THRAP3: variants seen among roughly 807,000 people sequenced by gnomAD.
The protein encoded by THRAP3 is thyroid hormone receptor-associated protein 3.
A neutral mutation model predicts 101.0 loss-of-function variants in THRAP3; 16 were observed. That is an observed-to-expected ratio of 0.16 (90% CI 0.11 to 0.24). THRAP3 has a LOEUF of 0.24. THRAP3 is among the 10% of genes least tolerant of loss of function. The pLI is 1.00. For missense variants in THRAP3, 989 were observed against 1,202.7 expected, an observed-to-expected ratio of 0.82 and a Z score of 2.63; for synonymous variants, 407 against 422.6, an observed-to-expected ratio of 0.96 and a Z score of 0.45.
At position 36,267,765 on chromosome 1, in the gene THRAP3, C is replaced by G. The variant is rs1379812819; in HGVS notation, c.-32+8281C>G. The stretch of plus-strand genomic sequence containing the variant: ...TGGATAGACGGGAGCCCATATTCCC[C>G]GCACCCACTCACAGAATACGGGGCA... On this transcript the variant is annotated intron_variant, in intron 2 of 11. Transcript: ENST00000354618. Among the ~76,000 whole-genome samples the G allele has an allele frequency of 4.8e-5, 2 of 41,960 alleles. 1 individual carries two copies. Among genetic ancestry groups the G allele is most frequent in the Non-Finnish European group, 1.5e-4 (2 of 13,166 alleles). 27.5% of individuals were successfully genotyped at this position (41,960 alleles called of 152,430 possible).
At position 36,303,998 on chromosome 1, in the gene THRAP3, T is replaced by C. The variant is rs1189818519; in HGVS notation, c.2849T>C (p.Ile950Thr). The C allele has an allele frequency of 6.3e-7, 1 of 1,579,406 alleles. No homozygotes were observed. Among genetic ancestry groups the C allele is most frequent in the Non-Finnish European group, 8.6e-7 (1 of 1,163,174 alleles). The change falls in exon 12 of 12, where the codon ATA becomes ACA. Residue 950 changes from isoleucine to threonine, a missense_variant. Coordinates refer to ENST00000354618, the MANE Select transcript of THRAP3 (RefSeq NM_005119.4). ...GAGAACCGAGAAGAGAAGGACAATA[T>C]ACAGCCCACAACCGAGTAGGGGCCA... ...GTENREEKDN[I>T]QPTTE
At chr1:36,249,193 CTTTTTTT>C (rs35410710) in intron 1 of THRAP3, among the ~76,000 whole-genome samples, 1 of 117,524 alleles carries the variant, frequency 8.5e-6, no homozygotes, top group African/African-American at 3.2e-5. Context: ...AGCACAGTCC[CTTTTTTT>C]TTTTTTTTTT....
intron 9 of THRAP3, among the ~76,000 whole-genome samples, chr1:36,297,448 T>A (rs920803180): frequency 2.0e-5 from 3 of 148,706 alleles, no homozygotes; most frequent in African/African-American, 7.5e-5. Flanking sequence ...GCAAGCATTT[T>A]TTTTTTTTTT....
At chr1:36,256,213 A>ATTATTATTATTATTG (rs1360312854) in intron 1 of THRAP3, among the ~76,000 whole-genome samples, 18 of 129,060 alleles carry the variant, frequency 1.4e-4, no homozygotes, top group African/African-American at 4.8e-4. Flanking sequence ...TATTATTGTT[A>ATTATTATTATTATTG]TTATTGTTAT....
At chr1:36,288,063 G>A (rs7533278) in intron 4 of THRAP3, 969,604 of 981,768 alleles carry the variant, frequency 0.99, 479,804 homozygotes, top group Non-Finnish European at 1. Flanking sequence ...GTATTAACAC[G>A]ACTTTGACTT....
In THRAP3 at chr1:36,258,520, G is replaced by T. The variant is rs566997264; in HGVS notation, c.-134-862G>T. Among the ~76,000 whole-genome samples the T allele has an allele frequency of 1.1e-4, 17 of 152,058 alleles. No individual in the cohort carries two copies. The South Asian group carries it at 3.3e-3, about 30-fold the overall frequency. On this transcript the variant is annotated intron_variant, in intron 1 of 11. Coordinates refer to ENST00000354618, the MANE Select transcript of THRAP3 (RefSeq NM_005119.4). ...AGGCGAAGTCTCACTCTGTCCCCCA[G>T]GCTGGAGTACAGTGGCGCGATCTCG...
chr1:36,281,782 C>T (rs1438154067), intron 2 of THRAP3, among the ~76,000 whole-genome samples: 2 of 151,916 alleles, frequency 1.3e-5, no homozygotes, highest in African/African-American at 4.8e-5. Context: ...AAAGTTTTTA[C>T]TTTGTAGGCC....
At chr1:36,300,416 AAC>A (rs1414671379) in intron 9 of THRAP3, among the ~76,000 whole-genome samples, 2 of 152,214 alleles carry the variant, frequency 1.3e-5, no homozygotes, top group African/African-American at 4.8e-5. Context: ...AAAGTGTTTA[AAC>A]ACAGTGTTTA....
the THRAP3 span, among the ~76,000 whole-genome samples, chr1:36,218,031 G>T: frequency 6.6e-6 from 1 of 152,200 alleles, no homozygotes; most frequent in African/African-American, 2.4e-5. Flanking sequence ...TAGGCCTGTT[G>T]TGTCAATTAG....
At chr1:36,287,349 G>C in intron 4 of THRAP3, 79 bp downstream of exon 4, 2 of 1,455,796 alleles carry the variant, frequency 1.4e-6, no homozygotes, top group Non-Finnish European at 1.8e-6. Context: ...ATCTAAGTTA[G>C]AGCTCTGATT....
intron 1 of THRAP3, among the ~76,000 whole-genome samples, chr1:36,257,522 AT>A (rs1173442488): frequency 4.6e-5 from 7 of 152,182 alleles, no homozygotes; most frequent in African/African-American, 1.7e-4. Context: ...GCTGACAAGT[AT>A]GCCTGTGGCT....
rs550050947 is a variant in THRAP3, at chr1:36,292,463, G to A, written c.1919-135G>A. 58 of 576,074 alleles carry A rather than the reference G, an allele frequency of 1.0e-4. No homozygotes were observed. The African/African-American group carries it at 1.1e-3, about 11-fold the overall frequency. The allele number at this position is 576,074 out of a possible 1,614,324, so 35.7% of individuals were successfully genotyped here. ...TTTTTTGTATTTTTAGTAGAGACGG[G>A]GTTTCACCGTGTTAGCCAGGATGGT... On this transcript the variant is annotated intron_variant, in intron 6 of 11. Transcript: ENST00000354618.
At chr1:36,249,847 A>G (rs1436276654) in intron 1 of THRAP3, among the ~76,000 whole-genome samples, 2 of 152,106 alleles carry the variant, frequency 1.3e-5, no homozygotes, top group African/African-American at 2.4e-5. Context: ...GGGTAGAAGC[A>G]TAGGAGTCAG....
intron 2 of THRAP3, among the ~76,000 whole-genome samples, chr1:36,266,143 ACTCATT>A (rs1433564400): frequency 1.5e-5 from 2 of 132,206 alleles, no homozygotes; most frequent in Non-Finnish European, 3.2e-5. Context: ...ACAGAGTAAG[ACTCATT>A]CTCAAAAAAA....
At chr1:36,235,161 G>A (rs1456061208) in intron 1 of THRAP3, among the ~76,000 whole-genome samples, 2 of 145,312 alleles carry the variant, frequency 1.4e-5, no homozygotes, top group Admixed American at 6.7e-5. Context: ...CTGCAGGGGG[G>A]GTTATTGTGA....
intron 2 of THRAP3, among the ~76,000 whole-genome samples, chr1:36,271,306 G>A (rs1439632751): frequency 6.6e-6 from 1 of 152,036 alleles, no homozygotes; most frequent in African/African-American, 2.4e-5. Context: ...CCCCCAAGAT[G>A]GAGTCTCATT....
At chr1:36,227,266 C>T (rs989170949) in intron 1 of THRAP3, among the ~76,000 whole-genome samples, 31 of 152,118 alleles carry the variant, frequency 2.0e-4, no homozygotes, top group East Asian at 1.5e-3. Context: ...TAGACACATA[C>T]ATATATAACA....
chr1:36,299,979 G>A (rs562314165), intron 9 of THRAP3, among the ~76,000 whole-genome samples: 2 of 152,108 alleles, frequency 1.3e-5, no homozygotes, highest in Non-Finnish European at 2.9e-5. Flanking sequence ...GACTGAGGGA[G>A]GGAAGGACAA....
intron 4 of THRAP3, chr1:36,287,934 AG>A (rs962740582): frequency 1.0e-6 from 1 of 984,850 alleles, no homozygotes; most frequent in Non-Finnish European, 1.2e-6. Context: ...GAGAGGTTAC[AG>A]GGAAGTTGCA....
Sources: allele counts gnomAD v4.1 joint callset (sites outside exome capture counted in the v4.1 genomes callset), GRCh38; gene constraint gnomAD v4.1.1; transcripts MANE v1.5; gene names NCBI Gene and HGNC (gene_info 2026-07-23, HGNC 2026-07-21).